The following UNC13C variants were observed in gnomAD, a reference collection of about 807,000 sequenced individuals.
UNC13C encodes the protein protein unc-13 homolog C.
UNC13C carries 174 observed loss-of-function variants against 245.4 expected under a neutral mutation model. That is an observed-to-expected ratio of 0.71 (90% CI 0.63 to 0.80). The LOEUF (loss-of-function observed/expected upper bound fraction) is 0.80, where lower values mean the gene tolerates loss of function less well. Among genes scored for constraint, UNC13C ranks in the 30% least tolerant of loss-of-function variants. The probability of loss-of-function intolerance (pLI) is 0.00; values close to 1 mark genes in which losing one functional copy is unlikely to be tolerated. For synonymous variants in UNC13C, 992 were observed against 895.1 expected, an observed-to-expected ratio of 1.11 and a Z score of -1.93; for missense variants, 2,829 against 2,602.9, an observed-to-expected ratio of 1.09 and a Z score of -1.89.
intron 19 of UNC13C, among the ~76,000 whole-genome samples, chr15:54,457,214 C>G (rs897400557): frequency 2.6e-5 from 4 of 152,094 alleles, no homozygotes; most frequent in African/African-American, 7.2e-5. Flanking sequence ...AACCCTCCAT[C>G]CTTGGTATGA....
intron 29 of UNC13C, among the ~76,000 whole-genome samples, chr15:54,560,622 C>A (rs979390873): frequency 6.6e-6 from 1 of 151,806 alleles, no homozygotes; most frequent in African/African-American, 2.4e-5. Context: ...TTTGTGACAC[C>A]AATGTATTAA....
intron 8 of UNC13C, among the ~76,000 whole-genome samples, chr15:54,253,348 A>G (rs1182524002): frequency 6.6e-6 from 1 of 152,178 alleles, no homozygotes; most frequent in African/African-American, 2.4e-5. Context: ...TTCCCCAAAG[A>G]GCTTCATCTA....
chr15:54,504,218 G>T (rs1200371488), intron 22 of UNC13C, among the ~76,000 whole-genome samples: 1 of 152,080 alleles, frequency 6.6e-6, no homozygotes, highest in Non-Finnish European at 1.5e-5. Context: ...TAAGTCCTGG[G>T]TATGAGTCTG....
At chr15:54,002,130 C>G (rs1172842886) in intron 1 of UNC13C, among the ~76,000 whole-genome samples, 1 of 152,094 alleles carries the variant, frequency 6.6e-6, no homozygotes, top group East Asian at 1.9e-4. Flanking sequence ...ACTAAAATTA[C>G]AAAAATATTA....
chr15:54,120,931 T>G (rs879372046), intron 2 of UNC13C, among the ~76,000 whole-genome samples: 2 of 152,150 alleles, frequency 1.3e-5, no homozygotes, highest in Non-Finnish European at 2.9e-5. Flanking sequence ...AGGAGTTGCT[T>G]CTTATGGATG....
At chr15:54,026,629 G>C (rs1896120331) in intron 2 of UNC13C, among the ~76,000 whole-genome samples, 1 of 152,232 alleles carries the variant, frequency 6.6e-6, no homozygotes. Flanking sequence ...CTTAATAGTT[G>C]ATAATTAATA....
intron 30 of UNC13C, among the ~76,000 whole-genome samples, chr15:54,610,119 A>T (rs1021444549): frequency 3.3e-5 from 5 of 152,222 alleles, no homozygotes; most frequent in African/African-American, 1.2e-4. Context: ...GTTTTTTTTT[A>T]AATAGATCTT....
chr15:53,838,954 A>G, the UNC13C span, among the ~76,000 whole-genome samples: 14 of 152,184 alleles, frequency 9.2e-5, no homozygotes, highest in African/African-American at 3.4e-4. Flanking sequence ...TTTCATAGGA[A>G]ATTGAAAATT....
intron 30 of UNC13C, among the ~76,000 whole-genome samples, chr15:54,612,367 T>C (rs1900154013): frequency 6.6e-6 from 1 of 152,070 alleles, no homozygotes; most frequent in African/African-American, 2.4e-5. Context: ...TATTTCTTTC[T>C]TCATTTAGAG....
rs1205836768 is a variant in UNC13C at position 54,563,559 on chromosome 15, C to T, written c.5959-4241C>T. Among the ~76,000 whole-genome samples the T allele has an allele frequency of 3.9e-5, 6 of 152,016 alleles. No individual in the cohort carries two copies. The South Asian group carries it at 8.3e-4, about 21-fold the overall frequency. On this transcript the variant is annotated intron_variant, in intron 29 of 32. Transcript: ENST00000260323. ...ATAGAGGAATTACAAGAAACCAAGT[C>T]TTGGTCTTTTGTTTAGAATCAATGG...
At chr15:54,435,895 A>C (rs2040975006) in intron 19 of UNC13C, among the ~76,000 whole-genome samples, 1 of 151,918 alleles carries the variant, frequency 6.6e-6, no homozygotes, top group Non-Finnish European at 1.5e-5. Context: ...AAAAAACAAA[A>C]CAAAACAAAA....
At position 54,555,444 on chromosome 15, in the gene UNC13C, C is replaced by G. The variant is rs947109345; in HGVS notation, c.5890C>G (p.Arg1964Gly). The change falls in exon 29 of 33, where the codon CGA (arginine) becomes GGA (glycine). Residue 1964 changes from arginine to glycine, a missense_variant. Physicochemically the swap from Arg to Gly is moderately radical, Grantham distance 125. Coordinates refer to ENST00000260323, the MANE Select transcript of UNC13C (RefSeq NM_001080534.3). ...ACCTGTTTTCCAGGAGCACATGATT[C>G]GAGAGGATGCCAGGGGTCTGACGCC... Reference protein sequence around the residue: ...QLSKLKEHMIREDARGLTPRQ... With the variant: ...QLSKLKEHMIGEDARGLTPRQ... 3.1e-6 allele frequency: 5 copies of G among 1,612,048 alleles called. No homozygotes were observed. The African/African-American group carries it at 5.3e-5, about 17-fold the overall frequency.
intron 28 of UNC13C, among the ~76,000 whole-genome samples, chr15:54,551,594 G>T (rs949565893): frequency 6.6e-6 from 1 of 151,944 alleles, no homozygotes; most frequent in Admixed American, 6.6e-5. Flanking sequence ...TCAATTCACT[G>T]AATTCTTTTT....
chr15:54,001,665 T>G (rs900317765), intron 1 of UNC13C, among the ~76,000 whole-genome samples: 1 of 152,230 alleles, frequency 6.6e-6, no homozygotes, highest in East Asian at 1.9e-4. Flanking sequence ...GGCACTTCTC[T>G]AATTATTTCT....
chr15:54,528,719 G>A (rs1555391038), intron 25 of UNC13C, among the ~76,000 whole-genome samples: 1 of 151,888 alleles, frequency 6.6e-6, no homozygotes, highest in Non-Finnish European at 1.5e-5. Context: ...GCACTGATTC[G>A]AAAATCAGTG....
intron 19 of UNC13C, among the ~76,000 whole-genome samples, chr15:54,473,871 C>G (rs1457990637): frequency 1.3e-5 from 2 of 149,496 alleles, no homozygotes; most frequent in African/African-American, 4.9e-5. Flanking sequence ...TTCTCATCAT[C>G]TTTCCCCCTC....
At chr15:54,569,961 C>T (rs749881292) in intron 30 of UNC13C, among the ~76,000 whole-genome samples, 4 of 152,032 alleles carry the variant, frequency 2.6e-5, no homozygotes, top group Non-Finnish European at 5.9e-5. Flanking sequence ...CATGTTCAGG[C>T]CCAAAGGACT....
At chr15:54,251,760 T>C (rs1043146836) in intron 8 of UNC13C, among the ~76,000 whole-genome samples, 1 of 152,168 alleles carries the variant, frequency 6.6e-6, no homozygotes, top group African/African-American at 2.4e-5. Flanking sequence ...CAATGTAAGA[T>C]ATGTGGATTG....
chr15:54,028,526 G>A (rs1435581028), intron 2 of UNC13C, among the ~76,000 whole-genome samples: 5 of 152,006 alleles, frequency 3.3e-5, no homozygotes, highest in Admixed American at 6.6e-5. Flanking sequence ...AGCCCATAGC[G>A]CTGAAAATTG....
Sources: gnomAD v4.1 joint callset for allele counts (sites outside exome capture counted in the v4.1 genomes callset) on GRCh38, gnomAD v4.1.1 for gene constraint, MANE v1.5 for transcripts, NCBI Gene and HGNC (gene_info 2026-07-23, HGNC 2026-07-21) for gene names.